The following CFAP95 variants were observed in gnomAD, a reference collection of about 807,000 sequenced individuals.
CFAP95 encodes cilia- and flagella-associated protein 95.
chr9:69,860,070 A>C, the CFAP95 span, among the ~76,000 whole-genome samples: 1 of 152,238 alleles, frequency 6.6e-6, no homozygotes, highest in Non-Finnish European at 1.5e-5. Flanking sequence ...GACATTACTA[A>C]ATACTACTGT....
chr9:69,836,963 G>A, the CFAP95 span, among the ~76,000 whole-genome samples: 9 of 145,986 alleles, frequency 6.2e-5, no homozygotes, highest in South Asian at 1.7e-3. Context: ...TCCCACCTAT[G>A]AGTGAGAATA....
chr9:69,885,618 T>G, the CFAP95 span, among the ~76,000 whole-genome samples: 2 of 152,192 alleles, frequency 1.3e-5, no homozygotes, highest in African/African-American at 4.8e-5. Flanking sequence ...TGGCTATACT[T>G]GTAGACTTTG....
the CFAP95 span, among the ~76,000 whole-genome samples, chr9:69,874,204 C>T: frequency 7.9e-3 from 1,197 of 152,076 alleles, 5 homozygotes; most frequent in South Asian, 0.014. Context: ...GAGATCAACT[C>T]GTGCTCATTA....
the CFAP95 span, among the ~76,000 whole-genome samples, chr9:69,835,793 C>T: frequency 4.4e-4 from 67 of 152,244 alleles, no homozygotes; most frequent in Non-Finnish European, 8.1e-4. Context: ...ATGAAAGGTG[C>T]GGCAGTGACA....
At chr9:69,828,384 A>G in the CFAP95 span, among the ~76,000 whole-genome samples, 1 of 152,238 alleles carries the variant, frequency 6.6e-6, no homozygotes, top group Admixed American at 6.5e-5. Context: ...TTGGTTAAAA[A>G]TATGTGTCTA....
chr9:69,863,791 A>G, the CFAP95 span, among the ~76,000 whole-genome samples: 2 of 152,132 alleles, frequency 1.3e-5, no homozygotes, highest in African/African-American at 4.8e-5. Flanking sequence ...TTATGTTAAG[A>G]TCTTATTTCT....
At chr9:69,832,416 G>A in the CFAP95 span, among the ~76,000 whole-genome samples, 33 of 152,198 alleles carry the variant, frequency 2.2e-4, no homozygotes, top group Non-Finnish European at 3.5e-4. Flanking sequence ...TCAGTGTGGC[G>A]CGTGTAATGT....
At chr9:69,863,733 A>G in the CFAP95 span, among the ~76,000 whole-genome samples, 2 of 152,160 alleles carry the variant, frequency 1.3e-5, no homozygotes, top group Admixed American at 1.3e-4. Flanking sequence ...CCAGAACTGT[A>G]TCAAGCAGAT....
the CFAP95 span, among the ~76,000 whole-genome samples, chr9:69,893,349 C>T: frequency 1.3e-5 from 2 of 152,216 alleles, no homozygotes; most frequent in South Asian, 4.2e-4. Flanking sequence ...CTACCAGGTG[C>T]CTTGAAAAGA....
At chr9:69,859,335 T>G in the CFAP95 span, among the ~76,000 whole-genome samples, 7 of 152,230 alleles carry the variant, frequency 4.6e-5, no homozygotes, top group African/African-American at 1.7e-4. Context: ...CCTTTTGTTT[T>G]TATAGGATCT....
chr9:69,885,655 C>G, the CFAP95 span, among the ~76,000 whole-genome samples: 4,059 of 152,232 alleles, frequency 0.027, 172 homozygotes, highest in African/African-American at 0.093. Context: ...GTATTTCATC[C>G]AGCATTTCTG....
chr9:69,848,403 C>T, the CFAP95 span, among the ~76,000 whole-genome samples: 2 of 152,170 alleles, frequency 1.3e-5, no homozygotes, highest in African/African-American at 4.8e-5. Context: ...CGAGGCAAGA[C>T]ATTTAAGTCT....
the CFAP95 span, among the ~76,000 whole-genome samples, chr9:69,880,238 TTC>T: frequency 6.6e-6 from 1 of 152,070 alleles, no homozygotes; most frequent in Admixed American, 6.5e-5. Context: ...GTCTTACTCA[TTC>T]TCTCTATTAT....
At chr9:69,852,515 G>A in the CFAP95 span, among the ~76,000 whole-genome samples, 1 of 152,084 alleles carries the variant, frequency 6.6e-6, no homozygotes. Flanking sequence ...ATCTCTTAAG[G>A]GGTAGGGGTG....
the CFAP95 span, chr9:69,844,609 G>A: frequency 6.2e-7 from 1 of 1,611,610 alleles, no homozygotes; most frequent in African/African-American, 1.3e-5. Flanking sequence ...CGGCGACTGG[G>A]AACCGATGAA....
At chr9:69,900,300 G>C in the CFAP95 span, among the ~76,000 whole-genome samples, 1 of 151,918 alleles carries the variant, frequency 6.6e-6, no homozygotes, top group Non-Finnish European at 1.5e-5. Context: ...GAGCAGAGTG[G>C]GTTGTTTGCA....
the CFAP95 span, among the ~76,000 whole-genome samples, chr9:69,831,433 C>T: frequency 6.6e-6 from 1 of 151,188 alleles, no homozygotes. Flanking sequence ...ATGAAGAACT[C>T]TTTTTTTTTA....
the CFAP95 span, among the ~76,000 whole-genome samples, chr9:69,887,858 G>A: frequency 2.6e-5 from 4 of 152,192 alleles, no homozygotes; most frequent in African/African-American, 7.2e-5. Flanking sequence ...GGGAGAGGCC[G>A]TGGGAGGAAC....
At chr9:69,903,512 C>G in the CFAP95 span, among the ~76,000 whole-genome samples, 1 of 152,282 alleles carries the variant, frequency 6.6e-6, no homozygotes, top group East Asian at 1.9e-4. Flanking sequence ...TTACTATGCT[C>G]ACCTCTTCTT....
Sources: gnomAD v4.1 joint callset for allele counts (sites outside exome capture counted in the v4.1 genomes callset) on GRCh38, gnomAD v4.1.1 for gene constraint, MANE v1.5 for transcripts, NCBI Gene and HGNC (gene_info 2026-07-23, HGNC 2026-07-21) for gene names.